Variants in ZGRF1 observed in about 807,000 individuals in gnomAD.
The protein encoded by ZGRF1 is 5'-3' DNA helicase ZGRF1.
A neutral mutation model predicts 203.5 loss-of-function variants in ZGRF1; 196 were observed. The observed-to-expected ratio is 0.96, with a 90% CI of 0.86 to 1.08. The LOEUF (loss-of-function observed/expected upper bound fraction) is 1.08, where lower values mean the gene tolerates loss of function less well. Among genes scored for constraint, ZGRF1 ranks in the 50% least tolerant of loss-of-function variants. The pLI is 0.00. For synonymous variants in ZGRF1, 809 were observed against 841.3 expected (o/e 0.96, Z 0.66); for missense variants, 2,326 against 2,416.3 (o/e 0.96, Z 0.78).
In ZGRF1 at chr4:112,618,967, C is replaced by A; in HGVS notation, c.1075G>T (p.Val359Leu). 6.2e-7 allele frequency: 1 copy of A among 1,613,700 alleles called. No homozygotes were observed. The highest frequency in any genetic ancestry group is 1.1e-5 in the South Asian group (1 of 91,026). Residue 359 changes from valine to leucine, a missense_variant, in exon 6 of 28, where the codon GTA becomes TTA. Physicochemically the swap from Val to Leu is conservative, Grantham distance 32. Coordinates refer to ENST00000505019, the MANE Select transcript of ZGRF1 (RefSeq NM_018392.5). ...GAAAGGTCTTTCAAATTAGAATTTA[C>A]ATCATCTTCCTGGGCCTTGGGTTTC... Reference protein sequence around the residue: ...ERKPKAQEDDVNSNLKDLSLQ... With the variant: ...ERKPKAQEDDLNSNLKDLSLQ...
intron 7 of ZGRF1, among the ~76,000 whole-genome samples, chr4:112,611,997 C>T (rs1439084875): frequency 8.6e-5 from 13 of 151,412 alleles, no homozygotes; most frequent in Non-Finnish European, 1.5e-5. Context: ...TGGAGTCTCA[C>T]TCTTGTTGCC....
Position 112,587,657 on chromosome 4 carries a change from C to A in ZGRF1, c.3400G>T (p.Asp1134Tyr). Residue 1134 changes from aspartate to tyrosine, a missense_variant, in exon 12 of 28, where the codon GAT becomes TAT. Transcript: ENST00000505019. ...GTAGATATATTATTAAGTGAAACAT[C>A]CCCTGGATTCACTTCCCTAGATTCT... The part of the protein sequence containing the change: ...SEESREVNPG[D>Y]VSLNNISTQS... The A allele has an allele frequency of 6.2e-7, 1 of 1,613,694 alleles. No individual in the cohort carries two copies. The highest frequency in any genetic ancestry group is 1.1e-5 in the South Asian group (1 of 91,062).
chr4:112,539,830 G>A (rs932986797), intron 27 of ZGRF1, 33 bp downstream of exon 27: 1 of 1,608,338 alleles, frequency 6.2e-7, no homozygotes, highest in African/African-American at 1.3e-5. Flanking sequence ...GTTTGAACTT[G>A]AAATGCATGA....
In ZGRF1 at chr4:112,587,428, T is replaced by C. The variant is rs113454162; in HGVS notation, c.3629A>G (p.Tyr1210Cys). ...ACTGCTAAAATCCTGCCGCTGTTGATAGAGCATGCCTTTTATCATTTGCAA... is the reference window on the plus strand; with the variant it reads ...ACTGCTAAAATCCTGCCGCTGTTGACAGAGCATGCCTTTTATCATTTGCAA... ...VHLQMIKGML[Y>C]QQRQDFSSQD... is the part of the protein sequence containing the mutation. Residue 1210 changes from tyrosine to cysteine, a missense_variant, in exon 12 of 28, where the codon TAT becomes TGT. By Grantham distance (194) the Tyr-to-Cys change is radical (BLOSUM62 -2). Transcript: ENST00000505019. The C allele has an allele frequency of 4.3e-4, 697 of 1,613,982 alleles. 5 individuals are homozygous for C. In the Middle Eastern group the frequency reaches 0.013, roughly 30 times the overall value.
intron 3 of ZGRF1, among the ~76,000 whole-genome samples, chr4:112,630,709 T>C (rs987743333): frequency 1.1e-4 from 17 of 151,988 alleles, no homozygotes; most frequent in African/African-American, 4.1e-4. Context: ...CTGAACAACA[T>C]GGCGAAACCG....
chr4:112,540,707 A>G lies in ZGRF1; in HGVS notation c.5910+114T>C. 3.0e-6 allele frequency: 2 copies of G among 675,198 alleles called. 1 individual carries two copies. Among genetic ancestry groups the G allele is most frequent in the South Asian group, 7.9e-5 (2 of 25,274 alleles). The allele number at this position is 675,198 out of a possible 1,614,324, so 41.8% of individuals were successfully genotyped here. On this transcript the variant is annotated intron_variant, in intron 26 of 27. Transcript: ENST00000505019. Reference sequence around the variant, plus strand: ...GTTTCTTTTTTAATATATTAATTACAGTACCAAAAGTTTTTCAGGCACCAA... The same window carrying G: ...GTTTCTTTTTTAATATATTAATTACGGTACCAAAAGTTTTTCAGGCACCAA...
At position 112,554,753 on chromosome 4, in the gene ZGRF1, A is replaced by T. The variant is rs1740629068; in HGVS notation, c.5150T>A (p.Ile1717Asn). ...AATCTTCCTAACACTCCCAACTCTG[A>T]TAAAGTTTTCAAATCCAAGACTGAG... ...GLLSLGFENF[I>N]RVGSVRKIAK... Residue 1717 changes from isoleucine to asparagine, a missense_variant, in exon 21 of 28, where the codon ATC becomes AAC. Transcript: ENST00000505019. 1.3e-6 allele frequency: 2 copies of T among 1,543,696 alleles called. No individual in the cohort carries two copies. Among genetic ancestry groups the T allele is most frequent in the Non-Finnish European group, 1.8e-6 (2 of 1,139,968 alleles).
rs1214192740 is a variant in ZGRF1 at position 112,563,146 on chromosome 4, T to C, written c.4567A>G (p.Asn1523Asp). The change falls in exon 17 of 28, where the codon AAT becomes GAT. Residue 1523 changes from asparagine to aspartate, a missense_variant. Transcript: ENST00000505019. ...ILPLKGYFPS[N>D]WPTNMVVHAL... ...TAATACTCACTGTTAGTGGGCCAAT[T>C]AGAAGGGAAATAGCCTTTCAAAGGC... 9 of 1,549,108 alleles carry C rather than the reference T, an allele frequency of 5.8e-6. No homozygotes were observed. Among genetic ancestry groups the C allele is most frequent in the African/African-American group, 2.7e-5 (2 of 72,970 alleles).
At chr4:112,589,955 T>C (rs1387626686) in intron 10 of ZGRF1, 81 bp from the exon 11 acceptor site, 2 of 1,006,334 alleles carry the variant, frequency 2.0e-6, no homozygotes, top group African/African-American at 1.6e-5. Context: ...TAGTAATCTA[T>C]ATTATAAAAA....
At chr4:112,547,260 TC>T in intron 24 of ZGRF1, 24 bp downstream of exon 24, 2 of 1,595,408 alleles carry the variant, frequency 1.3e-6, no homozygotes, top group Non-Finnish European at 1.7e-6. Context: ...AAATGATAAT[TC>T]CGTAAGAATT....
rs1440802068 is a variant in ZGRF1 at position 112,563,347 on chromosome 4, T to C, written c.4439-73A>G. 1.3e-5 allele frequency: 15 copies of C among 1,117,134 alleles called. No homozygotes were observed. In the South Asian group the frequency reaches 1.5e-4, roughly 11 times the overall value. The allele number at this position is 1,117,134 out of a possible 1,614,324, so 69.2% of individuals were successfully genotyped here. A position where few individuals can be genotyped will look rare whatever the true frequency, so the allele number is the denominator to read the frequency against. ...GTTTTATATTTTTAGAAATTATATA[T>C]ATTTGCATATGTGTGTACATATATC... On this transcript the variant is annotated intron_variant, in intron 16 of 27. Coordinates refer to ENST00000505019, the MANE Select transcript of ZGRF1 (RefSeq NM_018392.5).
Position 112,577,162 on chromosome 4 carries a change from C to A in ZGRF1, c.4438+4501G>T, listed in dbSNP as rs1745400937. Among the ~76,000 whole-genome samples, 3 of 115,612 alleles carry A rather than the reference C, an allele frequency of 2.6e-5. 1 individual carries two copies. The highest frequency in any genetic ancestry group is 9.0e-5 in the African/African-American group (3 of 33,368). 75.8% of individuals were successfully genotyped at this position (115,612 alleles called of 152,430 possible). On this transcript the variant is annotated intron_variant, in intron 16 of 27. Transcript: ENST00000505019. ...GAAAAGAATTTTCAACCCAGAATTTCATATCCAGTCAAACTAAGCTTCATA... is the reference window on the plus strand; with the variant it reads ...GAAAAGAATTTTCAACCCAGAATTTAATATCCAGTCAAACTAAGCTTCATA...
At chr4:112,621,241 T>C (rs143278911) in intron 4 of ZGRF1, among the ~76,000 whole-genome samples, 4 of 152,280 alleles carry the variant, frequency 2.6e-5, no homozygotes, top group South Asian at 4.1e-4. Flanking sequence ...CTCATAATTA[T>C]CACAAATTAA....
Position 112,589,733 on chromosome 4 carries a change from T to C in ZGRF1, c.3118A>G (p.Asn1040Asp). Residue 1040 changes from asparagine to aspartate, a missense_variant, in exon 11 of 28, where the codon AAC (asparagine) becomes GAC (aspartate). Transcript: ENST00000505019. ...ATGTGGTAACGACTACCCTCCAAGT[T>C]GAGAAAATGAAGATCATCAGGTAAA... ...RTLPDDLHFL[N>D]LEGMKKSRSL... 6.2e-7 allele frequency: 1 copy of C among 1,613,882 alleles called. No individual in the cohort carries two copies.
At chr4:112,628,727 A>C (rs1193525498) in intron 3 of ZGRF1, 2 of 452,964 alleles carry the variant, frequency 4.4e-6, no homozygotes, top group Non-Finnish European at 8.9e-6. Flanking sequence ...GCTATAGTTG[A>C]AGATAAAGTT....
At chr4:112,600,516 A>AC (rs1426617950) in intron 10 of ZGRF1, among the ~76,000 whole-genome samples, 8 of 151,942 alleles carry the variant, frequency 5.3e-5, no homozygotes, top group Admixed American at 2.6e-4. Flanking sequence ...ACATGGTGAA[A>AC]CCCCGTCTCT....
intron 7 of ZGRF1, chr4:112,610,843 T>C (rs912845425): frequency 1.7e-5 from 3 of 175,684 alleles, no homozygotes; most frequent in African/African-American, 7.2e-5. Flanking sequence ...TTAAAAAGTA[T>C]GTTTAAGAAG....
chr4:112,604,773 T>C (rs563186377), intron 9 of ZGRF1, among the ~76,000 whole-genome samples: 28 of 152,302 alleles, frequency 1.8e-4, no homozygotes, highest in East Asian at 5.8e-4. Context: ...AGGCTTCAAA[T>C]GGCTTTCTCT....
At position 112,603,606 on chromosome 4, in the gene ZGRF1, A is replaced by C; in HGVS notation, c.2894T>G (p.Phe965Cys). 6.2e-7 allele frequency: 1 copy of C among 1,613,882 alleles called. No homozygotes were observed. ...GTTTTCATACTCAGTGCTATCTGGA[A>C]ACTGACTGCATCCTAGCTGTGAGCT... ...GHSSQLGCSQFPDSTEYENFM... is the reference protein window; with the variant it reads ...GHSSQLGCSQCPDSTEYENFM... The change falls in exon 10 of 28, where the codon TTT becomes TGT. Residue 965 changes from phenylalanine (F) to cysteine (C), a missense_variant. Coordinates refer to ENST00000505019, the MANE Select transcript of ZGRF1 (RefSeq NM_018392.5).
Sources: allele counts gnomAD v4.1 joint callset (sites outside exome capture counted in the v4.1 genomes callset), GRCh38; gene constraint gnomAD v4.1.1; transcripts MANE v1.5; gene names NCBI Gene and HGNC (gene_info 2026-07-23, HGNC 2026-07-21).